Variants in PUM2 observed in about 807,000 individuals in gnomAD.
The protein encoded by PUM2 is pumilio RNA binding family member 2.
A neutral mutation model predicts 124.5 loss-of-function variants in PUM2; 57 were observed. That is an observed-to-expected ratio of 0.46 (90% CI 0.37 to 0.57). The LOEUF (loss-of-function observed/expected upper bound fraction) is 0.57, where lower values mean the gene tolerates loss of function less well. Ranked by LOEUF, PUM2 falls within the 20% of genes least tolerant of loss-of-function variation. The pLI is 0.00. For missense variants in PUM2, 1,065 were observed against 1,290.6 expected (o/e 0.83, Z 2.68); for synonymous variants, 460 against 446.1 (o/e 1.03, Z -0.39).
At chr2:20,315,259 C>T (rs1047649313) in intron 3 of PUM2, among the ~76,000 whole-genome samples, 3 of 151,990 alleles carry the variant, frequency 2.0e-5, no homozygotes, top group African/African-American at 4.8e-5. Context: ...ATTTCAGTTA[C>T]AGAAACCGGC....
chr2:20,255,334 A>G lies in PUM2; in HGVS notation c.2630T>C (p.Val877Ala). The change falls in exon 18 of 21, where the codon GTG becomes GCG. Residue 877 changes from valine to alanine, a missense_variant. Around this residue, in one of 3 missense-constraint regions of PUM2, gnomAD observed 968 missense variants for 1,159.8 expected, o/e 0.83. Transcript: ENST00000361078. ...IIDAFKGQVF[V>A]LSTHPYGCRV... ...GCAGCCATAAGGATGAGTTGAAAGC[A>G]CAAATACCTGAGGACAATTAGAAGA... The G allele has an allele frequency of 6.2e-7, 1 of 1,612,126 alleles. No homozygotes were observed.
intron 1 of PUM2, among the ~76,000 whole-genome samples, chr2:20,344,685 C>A (rs1266777713): frequency 6.6e-6 from 1 of 152,020 alleles, no homozygotes; most frequent in East Asian, 1.9e-4. Context: ...ACTTCTATAA[C>A]ATTTTAAGAT....
chr2:20,254,154 A>T, intron 19 of PUM2, 140 bp from the exon 20 acceptor site: 1 of 776,002 alleles, frequency 1.3e-6, no homozygotes, highest in East Asian at 2.8e-5. Flanking sequence ...GATTACTTTT[A>T]TTTTATTTTG....
At chr2:20,273,090 G>C (rs1056939580) in intron 13 of PUM2, among the ~76,000 whole-genome samples, 1 of 152,180 alleles carries the variant, frequency 6.6e-6, no homozygotes, top group East Asian at 1.9e-4. Flanking sequence ...TGGTGGGATG[G>C]TGTAAATTAC....
intron 7 of PUM2, among the ~76,000 whole-genome samples, chr2:20,305,469 A>G (rs1254108300): frequency 1.4e-5 from 2 of 147,920 alleles, no homozygotes; most frequent in South Asian, 2.1e-4. Flanking sequence ...CTTCGAAAAA[A>G]AAAAAAAAAA....
chr2:20,255,145 T>C, intron 18 of PUM2, 71 bp downstream of exon 18: 1 of 1,508,582 alleles, frequency 6.6e-7, no homozygotes, highest in Non-Finnish European at 9.1e-7. Flanking sequence ...AGTAACAAAT[T>C]GTATTTCTTT....
At chr2:20,334,319 A>T (rs10206963) in intron 1 of PUM2, among the ~76,000 whole-genome samples, 5,624 of 152,142 alleles carry the variant, frequency 0.037, 102 homozygotes, top group Middle Eastern at 0.068. Context: ...TCTCAAAAAA[A>T]TTTTTTAAAT....
intron 2 of PUM2, chr2:20,326,383 C>T: frequency 7.7e-7 from 1 of 1,304,256 alleles, no homozygotes; most frequent in South Asian, 1.2e-5. Context: ...CTCTTTTCTG[C>T]ATCTGAAGAG....
At chr2:20,278,111 T>C (rs897895185) in intron 13 of PUM2, among the ~76,000 whole-genome samples, 7 of 152,096 alleles carry the variant, frequency 4.6e-5, no homozygotes, top group Non-Finnish European at 1.0e-4. Flanking sequence ...AAGTGACAAA[T>C]ACACTAAATT....
chr2:20,349,526 T>C (rs915001115), intron 1 of PUM2, among the ~76,000 whole-genome samples: 1 of 152,084 alleles, frequency 6.6e-6, no homozygotes, highest in Non-Finnish European at 1.5e-5. Context: ...TTGTTTTTTT[T>C]TTTTTATTTA....
intron 10 of PUM2, among the ~76,000 whole-genome samples, chr2:20,286,880 CTTTT>C (rs977138963): frequency 1.3e-5 from 2 of 151,998 alleles, no homozygotes; most frequent in African/African-American, 4.8e-5. Context: ...AATTTCCATT[CTTTT>C]TGTCTATGGC....
chr2:20,264,367 A>AATATATATATAC (rs1667119663), intron 13 of PUM2, among the ~76,000 whole-genome samples: 1 of 26,610 alleles, frequency 3.8e-5, no homozygotes, highest in African/African-American at 1.2e-4. Context: ...AAAAAAAAAA[A>AATATATATATAC]ATATATATAT....
At chr2:20,348,204 G>T (rs776015482) in intron 1 of PUM2, among the ~76,000 whole-genome samples, 1 of 151,562 alleles carries the variant, frequency 6.6e-6, no homozygotes, top group African/African-American at 2.4e-5. Context: ...AAAAAAGCAA[G>T]AAATCTTAAT....
rs200294801 is a variant in PUM2 at position 20,261,394 on chromosome 2, C to CAAAAAAAAAAAAAAAAAAA, written c.2226-947_2226-929dup. Among the ~76,000 whole-genome samples the CAAAAAAAAAAAAAAAAAAA allele has an allele frequency of 4.0e-4, 31 of 76,782 alleles. 4 individuals carry two copies. Among genetic ancestry groups the CAAAAAAAAAAAAAAAAAAA allele is most frequent in the Non-Finnish European group, 6.5e-4 (24 of 36,902 alleles). The allele number at this position is 76,782 out of a possible 152,430, so 50.4% of individuals were successfully genotyped here. ...AAGCGACAGAGTGAGACTCTGTCTC[C>CAAAAAAAAAAAAAAAAAAA]AAAAAAAAAAAAAAAAAAAAAAAAA... On this transcript the variant is annotated intron_variant, in intron 14 of 20. Coordinates refer to ENST00000361078, the MANE Select transcript of PUM2 (RefSeq NM_015317.5).
At chr2:20,294,295 C>A in intron 9 of PUM2, 81 bp downstream of exon 9, 2 of 1,511,954 alleles carry the variant, frequency 1.3e-6, no homozygotes, top group South Asian at 2.5e-5. Context: ...AAACGTAAGT[C>A]GAAAAACACA....
chr2:20,312,175 A>T, intron 4 of PUM2, 61 bp downstream of exon 4: 1 of 1,411,012 alleles, frequency 7.1e-7, no homozygotes, highest in Non-Finnish European at 9.6e-7. Flanking sequence ...TAAAAATAAA[A>T]GTAACGTAAC....
chr2:20,278,888 C>T (rs1034059417), intron 12 of PUM2, 69 bp from the exon 13 acceptor site: 6 of 1,130,636 alleles, frequency 5.3e-6, no homozygotes, highest in African/African-American at 1.6e-5. Context: ...CCCCAACTCT[C>T]GCTGGGCAAT....
intron 3 of PUM2, among the ~76,000 whole-genome samples, chr2:20,313,899 T>C (rs890999885): frequency 2.0e-5 from 3 of 150,176 alleles, no homozygotes; most frequent in African/African-American, 4.9e-5. Context: ...TCCCAGTACT[T>C]TGACAGACTG....
rs201138146 is a variant in PUM2, at chr2:20,254,857, C to T, written c.2870+6G>A. The T allele has an allele frequency of 3.8e-5, 61 of 1,611,936 alleles. No individual in the cohort carries two copies. Among genetic ancestry groups the T allele is most frequent in the East Asian group, 8.9e-5 (4 of 44,854 alleles). ...TGACCCTTAAAATTACAAAGTATTA[C>T]AATACCTGGCAAATTTGTGTTGACT... On this transcript the variant is annotated splice_donor_region_variant and intron_variant, in intron 19 of 20. Transcript: ENST00000361078.
Sources: gnomAD v4.1 joint callset for allele counts (sites outside exome capture counted in the v4.1 genomes callset) on GRCh38, gnomAD v4.1.1 for gene constraint, gnomAD v4.1.1 regional missense constraint, MANE v1.5 for transcripts, NCBI Gene and HGNC (gene_info 2026-07-23, HGNC 2026-07-21) for gene names.